MCOLN2: variants seen among roughly 807,000 people sequenced by gnomAD.
MCOLN2 encodes the protein mucolipin-2.
Under a neutral mutation model 67.5 loss-of-function variants are expected in MCOLN2, and 57 were observed. The ratio of observed to expected loss-of-function variants is 0.84; its 90% CI spans 0.68 to 1.05. MCOLN2 has a LOEUF of 1.05. MCOLN2 is among the 50% of genes least tolerant of loss of function. The pLI is 0.00. For synonymous variants in MCOLN2, 246 were observed against 233.3 expected (o/e 1.05, Z -0.50); for missense variants, 620 against 678.8 (o/e 0.91, Z 0.96).
At chr1:84,996,732 G>A (rs1651175725) in intron 1 of MCOLN2, 64 bp downstream of exon 1, 5 of 1,445,814 alleles carry the variant, frequency 3.5e-6, no homozygotes, top group South Asian at 1.2e-5. Flanking sequence ...CGAAAGTAAA[G>A]CCATCGACTT....
At chr1:84,951,414 T>C (rs1409113910) in intron 6 of MCOLN2, among the ~76,000 whole-genome samples, 1 of 152,158 alleles carries the variant, frequency 6.6e-6, no homozygotes, top group African/African-American at 2.4e-5. Flanking sequence ...AGAAAGTCTA[T>C]GAAAATGAGA....
intron 1 of MCOLN2, among the ~76,000 whole-genome samples, chr1:84,965,970 C>T (rs754229547): frequency 1.1e-4 from 16 of 152,116 alleles, no homozygotes; most frequent in Admixed American, 2.6e-4. Flanking sequence ...TGGCCAATCT[C>T]GGCCAGACGT....
intron 7 of MCOLN2, among the ~76,000 whole-genome samples, chr1:84,945,215 C>T (rs1648029014): frequency 1.3e-5 from 2 of 152,194 alleles, no homozygotes; most frequent in South Asian, 4.1e-4. Flanking sequence ...GAAAAACTCA[C>T]TGTTCTGGAA....
chr1:84,996,429 T>TATATATATA lies in MCOLN2; in HGVS notation c.77+366_77+367insTATATATAT, dbSNP rs1651157316. ...ATATATATATATATATATATATATA[T>TATATATATA]ATGTTTGGAGAGCAGGAAACGGGGG... On this transcript the variant is annotated intron_variant, in intron 1 of 13. Coordinates refer to ENST00000370608, the MANE Select transcript of MCOLN2 (RefSeq NM_153259.4). 4.1e-5 allele frequency among the ~76,000 whole-genome samples: 5 copies of TATATATATA among 121,610 alleles called. No homozygotes were observed. The South Asian group carries it at 1.1e-3, about 27-fold the overall frequency. The allele number at this position is 121,610 out of a possible 152,430, so 79.8% of individuals were successfully genotyped here. A position where few individuals can be genotyped will look rare whatever the true frequency, so the allele number is the denominator to read the frequency against.
At chr1:84,985,974 T>C (rs1446396358) in intron 1 of MCOLN2, among the ~76,000 whole-genome samples, 3 of 152,056 alleles carry the variant, frequency 2.0e-5, no homozygotes, top group Admixed American at 1.3e-4. Context: ...AAAAAGAGCC[T>C]GCATAGCTGA....
At position 84,926,608 on chromosome 1, in the gene MCOLN2, T is replaced by C. The variant is rs1661168075; in HGVS notation, c.*77A>G. 2.7e-6 allele frequency: 3 copies of C among 1,104,646 alleles called. No individual in the cohort carries two copies. The East Asian group carries it at 7.8e-5, about 29-fold the overall frequency. 68.4% of individuals were successfully genotyped at this position (1,104,646 alleles called of 1,614,324 possible). A position where few individuals can be genotyped will look rare whatever the true frequency, so the allele number is the denominator to read the frequency against. On this transcript the variant is annotated 3_prime_UTR_variant, in exon 14 of 14. Coordinates refer to ENST00000370608, the MANE Select transcript of MCOLN2 (RefSeq NM_153259.4). ...AATAAGAGAGTCATTTTGGAACTGC[T>C]TGTCCAAGTCATTTGGGGTTCCTCT...
chr1:84,967,204 T>C (rs1339014427), intron 1 of MCOLN2, among the ~76,000 whole-genome samples: 4 of 152,222 alleles, frequency 2.6e-5, no homozygotes, highest in African/African-American at 9.7e-5. Flanking sequence ...AGACAGGCAC[T>C]ATGCCTAATG....
At chr1:84,935,293 T>C (rs968350551) in intron 11 of MCOLN2, among the ~76,000 whole-genome samples, 1 of 152,222 alleles carries the variant, frequency 6.6e-6, no homozygotes. Context: ...GTGAATTAAC[T>C]CAGCTGTGTA....
chr1:84,927,929 G>C (rs1661236889), intron 13 of MCOLN2, among the ~76,000 whole-genome samples: 1 of 152,040 alleles, frequency 6.6e-6, no homozygotes, highest in South Asian at 2.1e-4. Context: ...CCCATTCCTA[G>C]CTTTTAAACA....
chr1:84,993,239 A>G (rs1356788218), intron 1 of MCOLN2, among the ~76,000 whole-genome samples: 2 of 152,236 alleles, frequency 1.3e-5, no homozygotes, highest in African/African-American at 4.8e-5. Flanking sequence ...GATTGCAGCA[A>G]TTCTGTCACA....
At chr1:84,956,896 C>G (rs1648824625) in intron 3 of MCOLN2, among the ~76,000 whole-genome samples, 1 of 152,164 alleles carries the variant, frequency 6.6e-6, no homozygotes, top group Admixed American at 6.5e-5. Context: ...GCACTGCCCT[C>G]CAGGCAGTTC....
intron 1 of MCOLN2, chr1:84,971,835 G>C (rs895282356): frequency 6.6e-6 from 1 of 152,178 alleles, no homozygotes; most frequent in African/African-American, 2.4e-5. Context: ...GCCAGGGCAG[G>C]CAGATCACTT....
At chr1:84,988,484 T>G (rs1402623349) in intron 1 of MCOLN2, among the ~76,000 whole-genome samples, 1 of 152,202 alleles carries the variant, frequency 6.6e-6, no homozygotes, top group Non-Finnish European at 1.5e-5. Flanking sequence ...TGTAGCAAAG[T>G]ATACTTTGCT....
chr1:84,987,581 G>GATGTATACATCT (rs1246353476), intron 1 of MCOLN2, among the ~76,000 whole-genome samples: 1 of 47,298 alleles, frequency 2.1e-5, no homozygotes, highest in African/African-American at 7.6e-5. Flanking sequence ...TGTATACATA[G>GATGTATACATCT]ATATATACAT....
chr1:84,967,239 G>A (rs1215091064), intron 1 of MCOLN2, among the ~76,000 whole-genome samples: 1 of 152,208 alleles, frequency 6.6e-6, no homozygotes, highest in Non-Finnish European at 1.5e-5. Flanking sequence ...CCTGGATCCA[G>A]CTATTCCTGA....
intron 1 of MCOLN2, among the ~76,000 whole-genome samples, chr1:84,995,856 T>C (rs1299011306): frequency 1.3e-5 from 2 of 152,166 alleles, no homozygotes; most frequent in African/African-American, 4.8e-5. Context: ...AGAATGTGGC[T>C]ACCTCAAACA....
At chr1:84,966,897 A>G (rs977265227) in intron 1 of MCOLN2, among the ~76,000 whole-genome samples, 1 of 152,196 alleles carries the variant, frequency 6.6e-6, no homozygotes, top group Non-Finnish European at 1.5e-5. Flanking sequence ...AAAACTAAAA[A>G]TTGAACTCCA....
Position 84,926,652 on chromosome 1 carries a change from G to A in MCOLN2, c.*33C>T. 1 of 1,534,138 alleles carries A rather than the reference G, an allele frequency of 6.5e-7. No homozygotes were observed. Among genetic ancestry groups the A allele is most frequent in the South Asian group, 1.2e-5 (1 of 80,582 alleles). On this transcript the variant is annotated 3_prime_UTR_variant, in exon 14 of 14. Transcript: ENST00000370608. ...TTCCTCTGCTCAGCCGCTGGATAAG[G>A]ATGCCTGAACTTTAATCATCTTTAG...
chr1:84,975,412 ATTC>A (rs1044974463), intron 1 of MCOLN2, among the ~76,000 whole-genome samples: 22 of 152,332 alleles, frequency 1.4e-4, no homozygotes, highest in African/African-American at 4.8e-4. Flanking sequence ...AATCCAAAGA[ATTC>A]TTCTAGATCT....
Sources: allele counts gnomAD v4.1 joint callset (sites outside exome capture counted in the v4.1 genomes callset), GRCh38; gene constraint gnomAD v4.1.1; transcripts MANE v1.5; gene names NCBI Gene and HGNC (gene_info 2026-07-23, HGNC 2026-07-21).